RANBP17: variants seen among roughly 807,000 people sequenced by gnomAD.
The protein encoded by RANBP17 is RAN binding protein 17.
In RANBP17, 158 loss-of-function variants were observed where a neutral mutation model predicts 141.2. That is an observed-to-expected ratio of 1.12 (90% CI 0.98 to 1.28). The LOEUF (loss-of-function observed/expected upper bound fraction) is 1.28. Among genes scored for constraint, RANBP17 ranks in the 50% most tolerant of loss-of-function variants. The pLI, the probability that RANBP17 is intolerant of heterozygous loss-of-function variation, is 0.00. For synonymous variants in RANBP17, 430 were observed against 450.0 expected (o/e 0.96, Z 0.56); for missense variants, 1,438 against 1,290.7 (o/e 1.11, Z -1.75).
intron 25 of RANBP17, among the ~76,000 whole-genome samples, chr5:171,276,658 T>C (rs1209011978): frequency 6.6e-6 from 1 of 152,138 alleles, no homozygotes; most frequent in Non-Finnish European, 1.5e-5. Flanking sequence ...GTTCTCAGGA[T>C]AGCAAAGGAG....
intron 14 of RANBP17, among the ~76,000 whole-genome samples, chr5:171,111,272 A>G (rs1455772075): frequency 1.3e-5 from 2 of 152,216 alleles, no homozygotes; most frequent in Non-Finnish European, 2.9e-5. Context: ...TTTCTAAGAT[A>G]TAACCATTCA....
chr5:171,067,730 T>C (rs1784393036), intron 14 of RANBP17, among the ~76,000 whole-genome samples: 1 of 152,160 alleles, frequency 6.6e-6, no homozygotes, highest in South Asian at 2.1e-4. Context: ...CTGACCTCCA[T>C]GTTTTCTGAT....
intron 22 of RANBP17, 62 bp downstream of exon 22, chr5:171,221,902 G>A: frequency 9.8e-7 from 1 of 1,015,528 alleles, no homozygotes; most frequent in Non-Finnish European, 1.5e-6. Flanking sequence ...AGGAAAGAAA[G>A]ATGTTAGTTA....
At chr5:171,230,072 AAG>A (rs1356421082) in intron 22 of RANBP17, among the ~76,000 whole-genome samples, 2 of 152,132 alleles carry the variant, frequency 1.3e-5, no homozygotes, top group Non-Finnish European at 2.9e-5. Context: ...TCTCAAAAAA[AAG>A]AAAAAAAAGA....
At chr5:170,923,061 G>A (rs560227768) in intron 11 of RANBP17, among the ~76,000 whole-genome samples, 1 of 151,972 alleles carries the variant, frequency 6.6e-6, no homozygotes, top group Non-Finnish European at 1.5e-5. Context: ...TGTTTTTGTT[G>A]TTATACCTAT....
chr5:171,122,893 C>T (rs1270950778), intron 14 of RANBP17, among the ~76,000 whole-genome samples: 1 of 152,206 alleles, frequency 6.6e-6, no homozygotes, highest in Non-Finnish European at 1.5e-5. Flanking sequence ...GCCCTACTGG[C>T]ATCCTCCCAT....
At chr5:170,882,748 TG>T (rs1483958922) in intron 3 of RANBP17, among the ~76,000 whole-genome samples, 7 of 152,218 alleles carry the variant, frequency 4.6e-5, no homozygotes, top group Non-Finnish European at 8.8e-5. Flanking sequence ...AATTTATATA[TG>T]GATAAACAGT....
chr5:170,935,076 C>G (rs1414167917), intron 12 of RANBP17, among the ~76,000 whole-genome samples: 2 of 152,114 alleles, frequency 1.3e-5, no homozygotes, highest in Non-Finnish European at 2.9e-5. Context: ...TCACTGATAT[C>G]CTTTCTTCCA....
intron 22 of RANBP17, among the ~76,000 whole-genome samples, chr5:171,228,274 G>C (rs888886595): frequency 6.6e-6 from 1 of 152,200 alleles, no homozygotes; most frequent in African/African-American, 2.4e-5. Flanking sequence ...GCGGGAGTTT[G>C]GAAGAAGTTG....
intron 14 of RANBP17, among the ~76,000 whole-genome samples, chr5:171,039,844 C>G (rs764843067): frequency 6.6e-6 from 1 of 152,064 alleles, no homozygotes; most frequent in African/African-American, 2.4e-5. Flanking sequence ...AAGCCCCGAA[C>G]AGACCAATAT....
At chr5:170,890,216 A>G (rs774401865) in intron 3 of RANBP17, among the ~76,000 whole-genome samples, 38 of 152,208 alleles carry the variant, frequency 2.5e-4, no homozygotes, top group Non-Finnish European at 5.0e-4. Context: ...AGGATATTAA[A>G]AATAAAAGTG....
intron 12 of RANBP17, among the ~76,000 whole-genome samples, chr5:170,930,115 T>G (rs371910712): frequency 6.6e-6 from 1 of 152,036 alleles, no homozygotes; most frequent in Non-Finnish European, 1.5e-5. Context: ...CTATTTTTAG[T>G]TTCATTGATC....
chr5:170,947,565 A>C (rs1774864781), intron 12 of RANBP17, among the ~76,000 whole-genome samples: 1 of 152,178 alleles, frequency 6.6e-6, no homozygotes, highest in Non-Finnish European at 1.5e-5. Flanking sequence ...TTGCATTATT[A>C]TCTCTCAGTG....
chr5:171,018,166 T>C (rs1013979104), intron 14 of RANBP17, among the ~76,000 whole-genome samples: 2 of 152,180 alleles, frequency 1.3e-5, no homozygotes, highest in African/African-American at 4.8e-5. Flanking sequence ...AGCCGTGTAG[T>C]GTAGTTTGAA....
intron 14 of RANBP17, among the ~76,000 whole-genome samples, chr5:171,021,491 CTCTTG>C (rs1163808700): frequency 3.3e-5 from 5 of 152,048 alleles, no homozygotes; most frequent in African/African-American, 1.2e-4. Flanking sequence ...TTTTTCTCTA[CTCTTG>C]TCTTTGTGAC....
intron 25 of RANBP17, among the ~76,000 whole-genome samples, chr5:171,283,352 T>A (rs747491771): frequency 7.9e-5 from 12 of 152,168 alleles, no homozygotes; most frequent in Non-Finnish European, 1.2e-4. Flanking sequence ...AATTAGGTGG[T>A]CAGTAAATGT....
At chr5:171,150,718 G>T (rs953777408) in intron 14 of RANBP17, among the ~76,000 whole-genome samples, 1 of 152,082 alleles carries the variant, frequency 6.6e-6, no homozygotes, top group African/African-American at 2.4e-5. Flanking sequence ...TTTGAACTCT[G>T]GTTTTTACAT....
chr5:171,271,075 C>CCTTTTTTTT (rs1767076411), intron 25 of RANBP17: 6 of 27,544 alleles, frequency 2.2e-4, no homozygotes, highest in African/African-American at 5.1e-4. Context: ...TATGTTATTT[C>CCTTTTTTTT]TTTTTTTTTT....
At chr5:171,165,125 G>C (rs922275764) in intron 14 of RANBP17, among the ~76,000 whole-genome samples, 6 of 152,174 alleles carry the variant, frequency 3.9e-5, no homozygotes, top group Admixed American at 1.3e-4. Context: ...TAAATGTCAA[G>C]CTCTGAGTTC....
Sources: gnomAD v4.1 joint callset for allele counts (sites outside exome capture counted in the v4.1 genomes callset) on GRCh38, gnomAD v4.1.1 for gene constraint, MANE v1.5 for transcripts, NCBI Gene and HGNC (gene_info 2026-07-23, HGNC 2026-07-21) for gene names.